The following DNAH3 variants were observed in gnomAD, a reference collection of about 807,000 sequenced individuals.
DNAH3 encodes the protein dynein axonemal heavy chain 3, also known as axonemal beta dynein heavy chain 3.
In DNAH3, 332 loss-of-function variants were observed where a neutral mutation model predicts 432.5. The ratio of observed to expected loss-of-function variants is 0.77; its 90% CI spans 0.70 to 0.84. The LOEUF (loss-of-function observed/expected upper bound fraction) is 0.84. Among genes scored for constraint, DNAH3 ranks in the 40% least tolerant of loss-of-function variants. The probability of loss-of-function intolerance (pLI) is 0.00; values close to 1 mark genes in which losing one functional copy is unlikely to be tolerated. For missense variants in DNAH3, 4,861 were observed against 5,114.0 expected, an observed-to-expected ratio of 0.95 and a Z score of 1.51; for synonymous variants, 1,956 against 1,900.2, an observed-to-expected ratio of 1.03 and a Z score of -0.76.
chr16:21,002,168 C>T (rs1487993282), intron 42 of DNAH3, among the ~76,000 whole-genome samples: 1 of 152,018 alleles, frequency 6.6e-6, no homozygotes, highest in Non-Finnish European at 1.5e-5. Flanking sequence ...CCACCACCTA[C>T]CACTCCACCC....
chr16:21,002,236 C>T (rs2087055718), intron 42 of DNAH3, among the ~76,000 whole-genome samples: 1 of 152,074 alleles, frequency 6.6e-6, no homozygotes, highest in Non-Finnish European at 1.5e-5. Context: ...CTAGATTCTA[C>T]TAACAGGGAC....
At chr16:21,069,650 C>T in intron 22 of DNAH3, 56 bp from the exon 23 acceptor site, 1 of 1,459,530 alleles carries the variant, frequency 6.9e-7, no homozygotes, top group South Asian at 1.3e-5. Flanking sequence ...GCATCACAGG[C>T]CCATGGAGAG....
chr16:21,036,309 G>A (rs1009957048), intron 35 of DNAH3, among the ~76,000 whole-genome samples: 2 of 152,208 alleles, frequency 1.3e-5, no homozygotes. Context: ...CTGGGCAACA[G>A]AGCAAGACTG....
chr16:21,011,152 G>A (rs2087584175), intron 41 of DNAH3, among the ~76,000 whole-genome samples: 1 of 152,078 alleles, frequency 6.6e-6, no homozygotes, highest in Non-Finnish European at 1.5e-5. Context: ...AGAAGGAAAG[G>A]AAAGAGGTCA....
At chr16:20,968,196 G>A (rs2085150226) in intron 52 of DNAH3, among the ~76,000 whole-genome samples, 1 of 152,140 alleles carries the variant, frequency 6.6e-6, no homozygotes, top group Non-Finnish European at 1.5e-5. Context: ...AGCCTCCTGA[G>A]CAGCTGGGAC....
In DNAH3 at chr16:21,002,495, CTT is replaced by C. The variant is rs769664544; in HGVS notation, c.6126+607_6126+608del. On this transcript the variant is annotated intron_variant, in intron 42 of 61. Coordinates refer to ENST00000261383, the Ensembl canonical transcript of DNAH3. ...TATTATTTTGAGACAGAGTTTTGCT[CTT>C]GTCACCCAGGCTGAAGTGCAATGGC... 1.1e-3 allele frequency among the ~76,000 whole-genome samples: 159 copies of C among 151,032 alleles called. 1 individual carries two copies. The highest frequency in any genetic ancestry group is 1.7e-3 in the Non-Finnish European group (117 of 67,788).
chr16:21,000,375 G>C (rs1369600800), exon 43 of DNAH3: 3 of 1,614,146 alleles, frequency 1.9e-6, no homozygotes. Flanking sequence ...TTTTGGGAAG[G>C]TGGAGAAGGA....
At chr16:20,982,997 C>G in intron 48 of DNAH3, 111 bp from the exon 49 acceptor site, 1 of 1,179,376 alleles carries the variant, frequency 8.5e-7, no homozygotes, top group Non-Finnish European at 1.2e-6. Flanking sequence ...AGGCTTCCTC[C>G]TGGCGCTCCA....
chr16:20,961,500 AAAAT>A (rs2084815757), intron 53 of DNAH3, among the ~76,000 whole-genome samples: 1 of 151,420 alleles, frequency 6.6e-6, no homozygotes, highest in Non-Finnish European at 1.5e-5. Context: ...ATAATAATAA[AAAAT>A]AAATGAATAA....
intron 50 of DNAH3, among the ~76,000 whole-genome samples, chr16:20,977,194 T>C (rs557767174): frequency 6.6e-6 from 1 of 152,100 alleles, no homozygotes; most frequent in Non-Finnish European, 1.5e-5. Flanking sequence ...CTGACCAACA[T>C]GGAGAAACCC....
At chr16:21,100,752 T>C (rs1299762909) in intron 16 of DNAH3, among the ~76,000 whole-genome samples, 1 of 152,150 alleles carries the variant, frequency 6.6e-6, no homozygotes, top group Non-Finnish European at 1.5e-5. Context: ...AGGCAATGCT[T>C]ATTATTCTTC....
At chr16:21,115,334 A>T (rs530269171) in intron 12 of DNAH3, among the ~76,000 whole-genome samples, 1 of 151,786 alleles carries the variant, frequency 6.6e-6, no homozygotes, top group Non-Finnish European at 1.5e-5. Flanking sequence ...TGACACATGT[A>T]TACATATGTA....
At chr16:21,139,779 T>TTC in intron 5 of DNAH3, among the ~76,000 whole-genome samples, 1 of 114,958 alleles carries the variant, frequency 8.7e-6, no homozygotes, top group East Asian at 2.7e-4. Context: ...CCTCATTCTT[T>TTC]TTTTTTTTTT....
rs1316796955 is a variant in DNAH3, at chr16:20,987,868, G to A, written c.6726-19C>T. ...TCCGTACCTTGGGAGGAAAGGGATG[G>A]CACAGTAGTCAAGGAGGGGCCAGAA... On this transcript the variant is annotated intron_variant, in intron 45 of 61. Transcript: ENST00000261383. 6.2e-7 allele frequency: 1 copy of A among 1,614,090 alleles called. No homozygotes were observed. Among genetic ancestry groups the A allele is most frequent in the East Asian group, 2.2e-5 (1 of 44,886 alleles).
intron 40 of DNAH3, among the ~76,000 whole-genome samples, chr16:21,020,408 T>A (rs1174415016): frequency 2.9e-4 from 25 of 84,844 alleles, no homozygotes; most frequent in African/African-American, 1.1e-3. Flanking sequence ...TTTTTTTTTT[T>A]TTTTTTTTTT....
At chr16:21,007,659 A>G (rs1033928713) in intron 41 of DNAH3, among the ~76,000 whole-genome samples, 5 of 152,076 alleles carry the variant, frequency 3.3e-5, no homozygotes, top group Non-Finnish European at 5.9e-5. Context: ...ATTCTGTGGG[A>G]TTTTTCATTT....
chr16:21,104,435 T>C, intron 16 of DNAH3, 36 bp downstream of exon 16: 1 of 1,575,420 alleles, frequency 6.3e-7, no homozygotes, highest in Non-Finnish European at 8.7e-7. Context: ...AGAAGTCAGG[T>C]CTCATTTCCA....
At chr16:20,947,180 G>A (rs1162320777) in intron 57 of DNAH3, among the ~76,000 whole-genome samples, 1 of 151,850 alleles carries the variant, frequency 6.6e-6, no homozygotes, top group Non-Finnish European at 1.5e-5. Context: ...CTATACTCTG[G>A]GGAATGTCAT....
intron 23 of DNAH3, 30 bp downstream of exon 23, chr16:21,069,384 TG>T (rs1291472241): frequency 1.3e-6 from 2 of 1,578,852 alleles, no homozygotes; most frequent in African/African-American, 2.7e-5. Context: ...GTATTTCTGC[TG>T]GTAAGAGTTA....
Sources: gnomAD v4.1 joint callset for allele counts (sites outside exome capture counted in the v4.1 genomes callset) on GRCh38, gnomAD v4.1.1 for gene constraint, MANE v1.5 for transcripts, NCBI Gene and HGNC (gene_info 2026-07-23, HGNC 2026-07-21) for gene names.